Variants in FAT3 observed in about 807,000 individuals in gnomAD.
The protein encoded by FAT3 is FAT atypical cadherin 3, also known as protocadherin Fat 3.
Under a neutral mutation model 310.2 loss-of-function variants are expected in FAT3, and 95 were observed. The ratio of observed to expected loss-of-function variants is 0.31; its 90% CI spans 0.26 to 0.36. The LOEUF (loss-of-function observed/expected upper bound fraction) is 0.36. FAT3 is among the 10% of genes least tolerant of loss of function. The pLI is 1.00. For missense variants in FAT3, 5,408 were observed against 5,715.6 expected (o/e 0.95, Z 1.74); for synonymous variants, 2,314 against 2,192.9 (o/e 1.06, Z -1.54).
intron 4 of FAT3, among the ~76,000 whole-genome samples, chr11:92,712,799 C>T (rs1035608087): frequency 1.3e-5 from 2 of 152,210 alleles, no homozygotes; most frequent in Non-Finnish European, 2.9e-5. Context: ...TAGCAGAAAA[C>T]ACCATCTATA....
chr11:92,672,998 A>G (rs772644940), intron 3 of FAT3, among the ~76,000 whole-genome samples: 2 of 152,194 alleles, frequency 1.3e-5, no homozygotes, highest in Non-Finnish European at 2.9e-5. Context: ...GGATTCATGT[A>G]TTGATTCTGA....
At chr11:92,367,576 A>T (rs958600024) in intron 2 of FAT3, among the ~76,000 whole-genome samples, 7 of 152,212 alleles carry the variant, frequency 4.6e-5, no homozygotes, top group African/African-American at 1.7e-4. Flanking sequence ...GGCAGCAGTG[A>T]GCTATGATCA....
At chr11:92,457,652 T>G (rs1035555991) in intron 2 of FAT3, among the ~76,000 whole-genome samples, 4 of 152,230 alleles carry the variant, frequency 2.6e-5, no homozygotes, top group South Asian at 4.1e-4. Flanking sequence ...CTGGGTGCTG[T>G]GGCTCACACC....
intron 2 of FAT3, among the ~76,000 whole-genome samples, chr11:92,459,292 C>T (rs1951577550): frequency 6.6e-6 from 1 of 152,150 alleles, no homozygotes; most frequent in African/African-American, 2.4e-5. Context: ...CTTGATGCAT[C>T]CTCTTACCTG....
intron 2 of FAT3, among the ~76,000 whole-genome samples, chr11:92,487,650 C>G (rs1020110117): frequency 6.6e-6 from 1 of 152,182 alleles, no homozygotes; most frequent in African/African-American, 2.4e-5. Context: ...AAGTAACTTG[C>G]ACAAAGTCGT....
intron 2 of FAT3, among the ~76,000 whole-genome samples, 197 bp downstream of exon 2, chr11:92,355,601 G>A (rs1948709451): frequency 6.6e-6 from 1 of 152,134 alleles, no homozygotes; most frequent in Non-Finnish European, 1.5e-5. Context: ...AACAGCTGTG[G>A]TTTCCAGTGG....
At chr11:92,886,729 C>G in intron 24 of FAT3, 1 of 410,770 alleles carries the variant, frequency 2.4e-6, no homozygotes, top group Non-Finnish European at 4.4e-6. Context: ...AGTTGCTTCA[C>G]TTCGAGGAAG....
chr11:92,341,345 A>T (rs1164677253), intron 1 of FAT3, among the ~76,000 whole-genome samples: 2 of 152,082 alleles, frequency 1.3e-5, no homozygotes, highest in East Asian at 3.9e-4. Flanking sequence ...AGGAAGAAAG[A>T]CTCTGTGGGT....
Position 92,882,937 on chromosome 11 carries a change from G to T in FAT3, c.12481G>T (p.Val4161Phe), listed in dbSNP as rs1949708149. ...GKEELIGIAV[V>F]LFVIFILVVL... ...GGAGGAGCTCATCGGCATCGCCGTG[G>T]TCCTCTTCGTCATCTTCATCCTGGT... The change falls in exon 24 of 28, where the codon GTC becomes TTC. Residue 4161 changes from valine to phenylalanine, a missense_variant. Physicochemically the swap from Val to Phe is conservative, Grantham distance 50. Transcript: ENST00000525166. The T allele has an allele frequency of 5.0e-6, 8 of 1,613,382 alleles. No homozygotes were observed. Among genetic ancestry groups the T allele is most frequent in the South Asian group, 1.1e-5 (1 of 90,900 alleles).
chr11:92,506,863 A>G (rs1953115242), intron 2 of FAT3, among the ~76,000 whole-genome samples: 1 of 152,198 alleles, frequency 6.6e-6, no homozygotes, highest in South Asian at 2.1e-4. Context: ...AAATATAGAA[A>G]TTTTTAAAGA....
intron 22 of FAT3, among the ~76,000 whole-genome samples, chr11:92,878,181 A>T (rs12576158): frequency 0.082 from 12,444 of 152,214 alleles, 667 homozygotes; most frequent in East Asian, 0.13. Context: ...CTGCAGAGTA[A>T]GCCAGCAGGC....
At chr11:92,314,113 C>T (rs1947375995) in intron 1 of FAT3, among the ~76,000 whole-genome samples, 1 of 152,174 alleles carries the variant, frequency 6.6e-6, no homozygotes, top group Admixed American at 6.5e-5. Flanking sequence ...TCAGAAAAAC[C>T]ATTTATCAAA....
intron 2 of FAT3, among the ~76,000 whole-genome samples, chr11:92,479,083 C>A (rs1952143669): frequency 6.6e-6 from 1 of 150,956 alleles, no homozygotes; most frequent in Non-Finnish European, 1.5e-5. Context: ...TTCATTGCAA[C>A]CTCTGCCTCC....
intron 1 of FAT3, among the ~76,000 whole-genome samples, chr11:92,247,831 T>C (rs758711916): frequency 5.3e-5 from 8 of 151,788 alleles, no homozygotes; most frequent in Non-Finnish European, 1.0e-4. Flanking sequence ...TCTTAGGGCA[T>C]TGTGGCATGA....
At chr11:92,735,255 C>A (rs1455448651) in intron 4 of FAT3, among the ~76,000 whole-genome samples, 4 of 152,124 alleles carry the variant, frequency 2.6e-5, no homozygotes, top group Non-Finnish European at 4.4e-5. Context: ...GGGGGCTAAT[C>A]ATAGCCATTT....
chr11:92,883,375 T>G lies in FAT3; in HGVS notation c.12919T>G (p.Trp4307Gly), dbSNP rs1473156674. Residue 4307 changes from tryptophan (W) to glycine (G), a missense_variant, in exon 24 of 28, where the codon TGG becomes GGG. Around this residue, in one of 5 missense-constraint regions of FAT3, gnomAD observed 649 missense variants for 666.2 expected, o/e 0.97. Transcript: ENST00000525166. This position sits in a 1 kb window ranked among gnomAD's most constrained non-coding sequence, Gnocchi z 4.2. The part of the protein sequence containing the change: ...SDCDSIRKNG[W>G]DAGTENKGVD... The stretch of plus-strand genomic sequence containing the variant: ...CTGCGACTCCATCCGGAAGAATGGC[T>G]GGGACGCGGGAACTGAGAGTGAGTA... 2 of 1,603,950 alleles carry G rather than the reference T, an allele frequency of 1.2e-6. No homozygotes were observed. Among genetic ancestry groups the G allele is most frequent in the East Asian group, 4.5e-5 (2 of 44,660 alleles).
intron 3 of FAT3, among the ~76,000 whole-genome samples, chr11:92,696,162 A>G (rs372706854): frequency 6.6e-6 from 1 of 152,186 alleles, no homozygotes; most frequent in East Asian, 1.9e-4. Context: ...TCAGTTTACA[A>G]TGAAAAAGAT....
At chr11:92,790,273 C>T (rs895157328) in intron 8 of FAT3, 55 bp downstream of exon 8, 13 of 1,568,432 alleles carry the variant, frequency 8.3e-6, no homozygotes, top group Non-Finnish European at 1.1e-5. Flanking sequence ...GTTCAGGCCA[C>T]ACACATTAGC....
At chr11:92,710,731 C>CT (rs146653581) in intron 4 of FAT3, among the ~76,000 whole-genome samples, 2,033 of 152,260 alleles carry the variant, frequency 0.013, 47 homozygotes, top group African/African-American at 0.046. Context: ...ATGATGTGTG[C>CT]TTTGATACAT....
Sources: allele counts gnomAD v4.1 joint callset (sites outside exome capture counted in the v4.1 genomes callset), GRCh38; gene constraint gnomAD v4.1.1; regional missense constraint gnomAD v4.1.1; non-coding constraint Gnocchi (gnomAD v3.1); transcripts MANE v1.5; gene names NCBI Gene and HGNC (gene_info 2026-07-23, HGNC 2026-07-21).